Variants in SLC2A13 observed in about 807,000 individuals in gnomAD.
SLC2A13 encodes proton myo-inositol cotransporter.
In SLC2A13, 32 loss-of-function variants were observed where a neutral mutation model predicts 64.4. That is an observed-to-expected ratio of 0.50 (90% CI 0.37 to 0.67). The LOEUF (loss-of-function observed/expected upper bound fraction) is 0.67. Among genes scored for constraint, SLC2A13 ranks in the 30% least tolerant of loss-of-function variants. The pLI is 0.00. For synonymous variants in SLC2A13, 338 were observed against 327.1 expected, an observed-to-expected ratio of 1.03 and a Z score of -0.36; for missense variants, 743 against 829.2, an observed-to-expected ratio of 0.90 and a Z score of 1.28.
intron 7 of SLC2A13, among the ~76,000 whole-genome samples, chr12:39,795,068 C>T (rs4548690): frequency 0.44 from 66,368 of 151,828 alleles, 14,950 homozygotes; most frequent in Admixed American, 0.51. Context: ...TTCAAAAATT[C>T]GGGAATATTC....
chr12:40,002,885 G>T (rs1010002452), intron 3 of SLC2A13, among the ~76,000 whole-genome samples: 1 of 151,628 alleles, frequency 6.6e-6, no homozygotes, highest in African/African-American at 2.4e-5. Context: ...TCATAAAGCT[G>T]CTTTTCACTC....
intron 7 of SLC2A13, among the ~76,000 whole-genome samples, chr12:39,826,794 T>A (rs147986620): frequency 5.9e-4 from 89 of 149,782 alleles, no homozygotes; most frequent in African/African-American, 2.1e-3. Flanking sequence ...CATAAGTATA[T>A]AACTTTCAGT....
At chr12:40,078,400 T>G (rs966635523) in intron 1 of SLC2A13, among the ~76,000 whole-genome samples, 4 of 152,188 alleles carry the variant, frequency 2.6e-5, no homozygotes, top group African/African-American at 7.2e-5. Context: ...CTGTGTCTAT[T>G]GAGATCATCA....
chr12:40,011,455 C>A (rs1309486268), intron 3 of SLC2A13, among the ~76,000 whole-genome samples: 3 of 152,178 alleles, frequency 2.0e-5, no homozygotes, highest in Non-Finnish European at 4.4e-5. Context: ...ATTTCATACT[C>A]TTAGATCTAT....
intron 3 of SLC2A13, among the ~76,000 whole-genome samples, chr12:39,984,339 A>T: frequency 6.6e-6 from 1 of 152,130 alleles, no homozygotes; most frequent in East Asian, 1.9e-4. Flanking sequence ...TAAAAAAAAA[A>T]GTGCTTATAA....
At chr12:39,785,366 A>G (rs1941148392) in intron 7 of SLC2A13, among the ~76,000 whole-genome samples, 1 of 152,198 alleles carries the variant, frequency 6.6e-6, no homozygotes, top group Non-Finnish European at 1.5e-5. Context: ...GGCAGCTTCC[A>G]TGTGGCGTTG....
At chr12:39,984,461 G>C (rs1591979792) in intron 3 of SLC2A13, among the ~76,000 whole-genome samples, 2 of 152,066 alleles carry the variant, frequency 1.3e-5, no homozygotes, top group Admixed American at 1.3e-4. Flanking sequence ...TTTAACTTTT[G>C]TTTTTACCCA....
At chr12:40,078,591 A>C (rs1169094556) in intron 1 of SLC2A13, among the ~76,000 whole-genome samples, 1 of 152,108 alleles carries the variant, frequency 6.6e-6, no homozygotes, top group African/African-American at 2.4e-5. Flanking sequence ...TATTAGCCTG[A>C]AGTTTTCATC....
intron 2 of SLC2A13, among the ~76,000 whole-genome samples, chr12:40,047,472 C>A (rs1948188642): frequency 6.6e-6 from 1 of 152,112 alleles, no homozygotes; most frequent in Non-Finnish European, 1.5e-5. Flanking sequence ...ATCTTTTAAG[C>A]TTTAACATAA....
intron 6 of SLC2A13, among the ~76,000 whole-genome samples, chr12:39,851,065 A>G (rs1403239318): frequency 6.6e-6 from 1 of 151,944 alleles, no homozygotes; most frequent in African/African-American, 2.4e-5. Context: ...ACATCCAGCT[A>G]ATTTTTGTAT....
At chr12:39,933,436 G>C (rs1414345527) in intron 4 of SLC2A13, among the ~76,000 whole-genome samples, 2 of 152,150 alleles carry the variant, frequency 1.3e-5, no homozygotes, top group East Asian at 1.9e-4. Context: ...GATAAATATA[G>C]GAAGGATGCA....
At chr12:40,045,678 T>C (rs548507417) in intron 2 of SLC2A13, among the ~76,000 whole-genome samples, 129 of 152,238 alleles carry the variant, frequency 8.5e-4, no homozygotes, top group African/African-American at 2.9e-3. Context: ...CTTTGGTCTA[T>C]ATATCAACGG....
intron 3 of SLC2A13, among the ~76,000 whole-genome samples, chr12:39,966,905 A>G (rs904538238): frequency 2.0e-5 from 3 of 152,174 alleles, no homozygotes; most frequent in Non-Finnish European, 4.4e-5. Flanking sequence ...GACACAAATC[A>G]TAATTCTACT....
intron 3 of SLC2A13, among the ~76,000 whole-genome samples, chr12:39,996,141 GGA>G (rs1947225553): frequency 6.6e-6 from 1 of 152,192 alleles, no homozygotes; most frequent in South Asian, 2.1e-4. Flanking sequence ...GGTCTCAAAT[GGA>G]GATGAAGAAC....
intron 3 of SLC2A13, among the ~76,000 whole-genome samples, chr12:39,976,287 C>A (rs1946755776): frequency 6.6e-6 from 1 of 152,180 alleles, no homozygotes; most frequent in African/African-American, 2.4e-5. Context: ...AGCACCAGGA[C>A]TCTGTATGGT....
chr12:39,789,600 A>C (rs145084869), intron 7 of SLC2A13, among the ~76,000 whole-genome samples: 8 of 152,326 alleles, frequency 5.3e-5, no homozygotes, highest in African/African-American at 1.9e-4. Flanking sequence ...GAGTATGTGC[A>C]CACAGTCAAT....
At chr12:39,768,882 T>A (rs1940459664) in intron 7 of SLC2A13, among the ~76,000 whole-genome samples, 1 of 152,086 alleles carries the variant, frequency 6.6e-6, no homozygotes, top group African/African-American at 2.4e-5. Flanking sequence ...ACCTTCGGTT[T>A]GTAAAACAAA....
intron 3 of SLC2A13, among the ~76,000 whole-genome samples, chr12:40,023,030 T>A (rs1947748723): frequency 6.6e-6 from 1 of 152,214 alleles, no homozygotes; most frequent in South Asian, 2.1e-4. Flanking sequence ...GTGTCTCCCT[T>A]GCCTGCCTTC....
chr12:39,779,480 CT>C, intron 7 of SLC2A13, among the ~76,000 whole-genome samples: 1 of 152,256 alleles, frequency 6.6e-6, no homozygotes, highest in African/African-American at 2.4e-5. Flanking sequence ...ATTATCTTCC[CT>C]TTTCCTTCCC....
Sources: allele counts gnomAD v4.1 joint callset (sites outside exome capture counted in the v4.1 genomes callset), GRCh38; gene constraint gnomAD v4.1.1; transcripts MANE v1.5; gene names NCBI Gene and HGNC (gene_info 2026-07-23, HGNC 2026-07-21).